The following NRG3 variants were observed in gnomAD, a reference collection of about 807,000 sequenced individuals.
The protein encoded by NRG3 is neuregulin 3, also known as pro-neuregulin-3, membrane-bound isoform.
A neutral mutation model predicts 66.9 loss-of-function variants in NRG3; 31 were observed. The observed-to-expected ratio is 0.46, with a 90% CI of 0.35 to 0.63. The LOEUF is 0.63. NRG3 is among the 20% of genes least tolerant of loss of function. The pLI, the probability that NRG3 is intolerant of heterozygous loss-of-function variation, is 0.00. For missense variants in NRG3, 910 were observed against 878.9 expected (o/e 1.04, Z -0.45); for synonymous variants, 393 against 359.4 (o/e 1.09, Z -1.06).
At chr10:82,577,687 G>A (rs997915507) in intron 2 of NRG3, among the ~76,000 whole-genome samples, 1 of 151,420 alleles carries the variant, frequency 6.6e-6, no homozygotes, top group African/African-American at 2.4e-5. Flanking sequence ...TCCTCTCAAG[G>A]GCCTCTTTTA....
intron 2 of NRG3, among the ~76,000 whole-genome samples, chr10:82,666,890 C>T (rs927180373): frequency 1.2e-4 from 19 of 152,212 alleles, no homozygotes; most frequent in Admixed American, 3.3e-4. Flanking sequence ...TGTGAGATGA[C>T]TTTAATAAAT....
At chr10:82,539,912 G>A (rs982001418) in intron 2 of NRG3, among the ~76,000 whole-genome samples, 2 of 152,082 alleles carry the variant, frequency 1.3e-5, no homozygotes, top group Non-Finnish European at 2.9e-5. Flanking sequence ...GATTACAGGC[G>A]TGAGCCACCG....
At chr10:82,581,047 A>C (rs557136130) in intron 2 of NRG3, among the ~76,000 whole-genome samples, 6 of 152,072 alleles carry the variant, frequency 3.9e-5, no homozygotes, top group African/African-American at 1.4e-4. Context: ...AAGTGGTTGT[A>C]CCATTTACAT....
At chr10:82,359,517 A>G (rs551534037) in intron 2 of NRG3, among the ~76,000 whole-genome samples, 23 of 152,294 alleles carry the variant, frequency 1.5e-4, no homozygotes, top group African/African-American at 5.5e-4. Flanking sequence ...TAGAGACATA[A>G]GGTTATGTAA....
At chr10:82,970,076 C>T (rs979449081) in intron 6 of NRG3, among the ~76,000 whole-genome samples, 2 of 151,718 alleles carry the variant, frequency 1.3e-5, no homozygotes, top group Admixed American at 6.6e-5. Context: ...TGTTTATTTC[C>T]GTTTCGTTAT....
intron 2 of NRG3, among the ~76,000 whole-genome samples, chr10:82,594,907 G>A (rs2047184593): frequency 6.6e-6 from 1 of 151,760 alleles, no homozygotes; most frequent in Admixed American, 6.6e-5. Flanking sequence ...ATCTGCATTT[G>A]ATGTCTTTGA....
At chr10:82,195,841 T>G (rs2074419294) in intron 1 of NRG3, among the ~76,000 whole-genome samples, 1 of 152,204 alleles carries the variant, frequency 6.6e-6, no homozygotes. Flanking sequence ...AGGACTCGAC[T>G]GGCCATTTCT....
At chr10:82,829,493 GC>G (rs757094652) in intron 3 of NRG3, among the ~76,000 whole-genome samples, 1 of 152,180 alleles carries the variant, frequency 6.6e-6, no homozygotes, top group Non-Finnish European at 1.5e-5. Context: ...GAGCAACCAT[GC>G]TGAGGCATAG....
intron 4 of NRG3, among the ~76,000 whole-genome samples, chr10:82,866,984 A>T (rs147434843): frequency 2.4e-3 from 370 of 152,264 alleles, no homozygotes; most frequent in African/African-American, 8.5e-3. Context: ...GAGAGAAAAA[A>T]AATGTTGGTT....
Position 82,856,800 on chromosome 10 carries a change from G to A in NRG3, c.1028-8611G>A, listed in dbSNP as rs926806072. Among the ~76,000 whole-genome samples, 6 of 149,810 alleles carry A rather than the reference G, an allele frequency of 4.0e-5. No homozygotes were observed. In the East Asian group the frequency reaches 1.2e-3, roughly 29 times the overall value. On this transcript the variant is annotated intron_variant, in intron 3 of 8. Coordinates refer to ENST00000372141, the MANE Select transcript of NRG3 (RefSeq NM_001010848.4). ...AAAAGAAAAGGATATGTGTAGAAGT[G>A]CCCAGTGACAAAATGCAAGAATTTT... is the stretch of plus-strand genomic sequence containing the variant.
chr10:82,945,896 C>T (rs554666223), intron 4 of NRG3, among the ~76,000 whole-genome samples: 21 of 152,128 alleles, frequency 1.4e-4, no homozygotes, highest in African/African-American at 4.3e-4. Flanking sequence ...GGTCAACTCA[C>T]GAAAGGAGGA....
intron 2 of NRG3, among the ~76,000 whole-genome samples, chr10:82,530,117 A>G (rs1847113681): frequency 6.6e-6 from 1 of 152,178 alleles, no homozygotes; most frequent in Non-Finnish European, 1.5e-5. Flanking sequence ...CAACGCTACA[A>G]GAAATTTAGT....
intron 1 of NRG3, among the ~76,000 whole-genome samples, chr10:81,925,249 A>G (rs369334533): frequency 6.6e-6 from 1 of 152,232 alleles, no homozygotes. Flanking sequence ...GAGGCATGAT[A>G]TAGAGGGAAT....
At chr10:82,519,662 C>T (rs1234227974) in intron 2 of NRG3, among the ~76,000 whole-genome samples, 2 of 152,088 alleles carry the variant, frequency 1.3e-5, no homozygotes. Context: ...AACAAAAGGA[C>T]CTTGCTTAAC....
chr10:82,063,596 G>A (rs748103893), intron 1 of NRG3, among the ~76,000 whole-genome samples: 12 of 151,072 alleles, frequency 7.9e-5, no homozygotes, highest in Non-Finnish European at 1.8e-4. Context: ...TTGTGTCTTG[G>A]TATAGCATTA....
chr10:82,768,972 G>T (rs181896278), intron 3 of NRG3, among the ~76,000 whole-genome samples: 1 of 152,000 alleles, frequency 6.6e-6, no homozygotes, highest in Admixed American at 6.6e-5. Flanking sequence ...GATTCTATAC[G>T]CTTTAAGAAG....
chr10:82,658,763 T>C (rs2052077269), intron 2 of NRG3, among the ~76,000 whole-genome samples: 1 of 152,224 alleles, frequency 6.6e-6, no homozygotes, highest in Non-Finnish European at 1.5e-5. Flanking sequence ...CATGATTTCA[T>C]GGATGTATAC....
At position 82,057,517 on chromosome 10, in the gene NRG3, G is replaced by A. The variant is rs531569073; in HGVS notation, c.823+181354G>A. Among the ~76,000 whole-genome samples, 11 of 151,890 alleles carry A rather than the reference G, an allele frequency of 7.2e-5. No individual in the cohort carries two copies. The East Asian group carries it at 1.9e-3, about 27-fold the overall frequency. On this transcript the variant is annotated intron_variant, in intron 1 of 8. Coordinates refer to ENST00000372141, the MANE Select transcript of NRG3 (RefSeq NM_001010848.4). The stretch of plus-strand genomic sequence containing the variant: ...ATCTTTGATCCTTTGAAATTGTTGG[G>A]GTAATTTTTAGGCTACATTTAAATT...
chr10:82,335,728 G>A (rs932216469), intron 1 of NRG3, among the ~76,000 whole-genome samples: 2 of 152,082 alleles, frequency 1.3e-5, no homozygotes, highest in African/African-American at 4.8e-5. Context: ...ATCAGAATTA[G>A]GATCAAAATC....
Sources: allele counts gnomAD v4.1 joint callset (sites outside exome capture counted in the v4.1 genomes callset), GRCh38; gene constraint gnomAD v4.1.1; transcripts MANE v1.5; gene names NCBI Gene and HGNC (gene_info 2026-07-23, HGNC 2026-07-21).